The following TRAK1 variants were observed in gnomAD, a reference collection of about 807,000 sequenced individuals.
TRAK1 encodes trafficking kinesin-binding protein 1.
TRAK1 carries 33 observed loss-of-function variants against 92.1 expected under a neutral mutation model. The ratio of observed to expected loss-of-function variants is 0.36; its 90% CI spans 0.27 to 0.48. TRAK1 has a LOEUF of 0.48. TRAK1 is among the 20% of genes least tolerant of loss of function. The pLI is 0.99. For missense variants in TRAK1, 1,123 were observed against 1,257.9 expected (o/e 0.89, Z 1.62); for synonymous variants, 521 against 517.3 (o/e 1.01, Z -0.10).
At chr3:42,030,692 ATATATATATATATATATATATAT>A (rs1559709839) in intron 1 of TRAK1, among the ~76,000 whole-genome samples, 707 of 9,588 alleles carry the variant, frequency 0.074, 51 homozygotes, top group African/African-American at 0.32. Context: ...AAAAAAGAAT[ATATATATATATATATATATATAT>A]ATATATATAT....
At chr3:42,095,978 C>T (rs995226187) in intron 1 of TRAK1, among the ~76,000 whole-genome samples, 1 of 152,190 alleles carries the variant, frequency 6.6e-6, no homozygotes, top group African/African-American at 2.4e-5. Flanking sequence ...CATCCGTGAA[C>T]CAGGAACCAA....
At chr3:42,157,489 A>AAAAG (rs1553739632) in intron 2 of TRAK1, among the ~76,000 whole-genome samples, 12 of 144,830 alleles carry the variant, frequency 8.3e-5, no homozygotes, top group Middle Eastern at 3.5e-3. Context: ...AAAAAAAAAA[A>AAAAG]GGTTAACATT....
chr3:42,027,309 G>A (rs1176753802), intron 1 of TRAK1, among the ~76,000 whole-genome samples: 1 of 152,108 alleles, frequency 6.6e-6, no homozygotes, highest in Non-Finnish European at 1.5e-5. Flanking sequence ...GGATCACGAG[G>A]TCAGGAGATC....
chr3:42,192,067 A>G (rs992895964), intron 7 of TRAK1, among the ~76,000 whole-genome samples: 4 of 151,470 alleles, frequency 2.6e-5, no homozygotes, highest in Non-Finnish European at 5.9e-5. Context: ...ATGCCTGGCT[A>G]TTTTTTTGTA....
chr3:42,127,107 T>C (rs1220568721), intron 2 of TRAK1, among the ~76,000 whole-genome samples: 1 of 152,226 alleles, frequency 6.6e-6, no homozygotes, highest in Non-Finnish European at 1.5e-5. Flanking sequence ...CAAGGAGATA[T>C]GTGGTATCAT....
intron 2 of TRAK1, chr3:42,149,101 A>G: frequency 3.7e-6 from 3 of 803,906 alleles, no homozygotes; most frequent in Non-Finnish European, 4.5e-6. Context: ...AGAGCCGGCC[A>G]GTTTCTATGG....
At chr3:42,167,423 C>G (rs951953216) in intron 2 of TRAK1, among the ~76,000 whole-genome samples, 14 of 152,070 alleles carry the variant, frequency 9.2e-5, no homozygotes, top group African/African-American at 3.4e-4. Flanking sequence ...ATTTTTGACA[C>G]GAGGACACTG....
At chr3:42,069,320 C>CAAAGAAAA (rs534331120) in intron 1 of TRAK1, among the ~76,000 whole-genome samples, 1 of 137,284 alleles carries the variant, frequency 7.3e-6, no homozygotes, top group African/African-American at 2.7e-5. Flanking sequence ...GACCCTGTCT[C>CAAAGAAAA]AAAAAAAAAA....
rs758215878 is a variant in TRAK1 at position 42,125,551 on chromosome 3, A to G, written c.223A>G (p.Ile75Val). ...CGACGACTGGCTCCATACACCTCTC[A>G]TTTCTCCAGATGCCAACATTGACCT... ...DHDDWLHTPL[I>V]SPDANIDLTT... is the part of the protein sequence containing the mutation. The change falls in exon 2 of 16, where the codon ATT (isoleucine) becomes GTT (valine). Residue 75 changes from isoleucine (I) to valine (V), a missense_variant. Ile to Val is a conservative substitution (Grantham distance 29, BLOSUM62 3). Around this residue, in one of 3 missense-constraint regions of TRAK1, gnomAD observed 686 missense variants for 747.6 expected, o/e 0.92. Transcript: ENST00000327628. The G allele has an allele frequency of 3.7e-6, 6 of 1,614,048 alleles. No homozygotes were observed. In the East Asian group the frequency reaches 1.1e-4, roughly 30 times the overall value.
chr3:42,218,593 T>C (rs553030327), intron 14 of TRAK1: 2 of 985,280 alleles, frequency 2.0e-6, no homozygotes, highest in Non-Finnish European at 2.4e-6. Flanking sequence ...ATGTCTCCCA[T>C]AGACTCTGTT....
At chr3:42,084,032 T>C (rs1378683759), upstream of TRAK1, among the ~76,000 whole-genome samples, 2 of 152,104 alleles carry the variant, frequency 1.3e-5, no homozygotes, top group South Asian at 4.1e-4. Flanking sequence ...TATCCAAGAG[T>C]TTATTATTAG....
chr3:42,218,846 C>T (rs994924675), intron 14 of TRAK1: 2 of 985,358 alleles, frequency 2.0e-6, no homozygotes, highest in Non-Finnish European at 1.2e-6. Context: ...TGTGTCAGAC[C>T]AGACCTGATC....
chr3:42,119,137 C>G (rs1709534621), intron 1 of TRAK1, among the ~76,000 whole-genome samples: 2 of 152,316 alleles, frequency 1.3e-5, no homozygotes, highest in Admixed American at 6.5e-5. Context: ...AATTCAAAGC[C>G]TTTTCTCTTG....
chr3:42,204,184 A>G (rs972288459), intron 13 of TRAK1: 42 of 985,624 alleles, frequency 4.3e-5, no homozygotes, highest in African/African-American at 7.0e-5. Context: ...CATTTCTGCA[A>G]TTTTACTTTC....
At chr3:42,153,413 AAAGG>A (rs1700175831) in intron 2 of TRAK1, among the ~76,000 whole-genome samples, 1 of 152,100 alleles carries the variant, frequency 6.6e-6, no homozygotes, top group Admixed American at 6.6e-5. Flanking sequence ...AATAAAAAAA[AAAGG>A]AATGGTATTT....
intron 2 of TRAK1, among the ~76,000 whole-genome samples, chr3:42,168,985 G>A (rs1219503650): frequency 5.9e-5 from 9 of 152,044 alleles, no homozygotes; most frequent in Non-Finnish European, 8.8e-5. Flanking sequence ...CACCATGCCC[G>A]GCTAATTTTT....
chr3:42,210,162 T>A, intron 14 of TRAK1, 177 bp downstream of exon 14: 1 of 1,593,302 alleles, frequency 6.3e-7, no homozygotes. Context: ...CTTGGCACCT[T>A]TCCCGGAGGC....
intron 11 of TRAK1, 144 bp from the exon 12 acceptor site, chr3:42,200,674 A>T: frequency 1.3e-6 from 1 of 756,502 alleles, no homozygotes; most frequent in Non-Finnish European, 2.2e-6. Context: ...CCTAAGAAAC[A>T]GGTGGCAGGC....
At chr3:42,209,564 A>G (rs1253982674) in intron 13 of TRAK1, among the ~76,000 whole-genome samples, 3 of 152,212 alleles carry the variant, frequency 2.0e-5, no homozygotes, top group Middle Eastern at 3.4e-3. Context: ...CCTTCTGAGC[A>G]TGGTAGGGTT....
Sources: allele counts gnomAD v4.1 joint callset (sites outside exome capture counted in the v4.1 genomes callset), GRCh38; gene constraint gnomAD v4.1.1; regional missense constraint gnomAD v4.1.1; transcripts MANE v1.5; gene names NCBI Gene and HGNC (gene_info 2026-07-23, HGNC 2026-07-21).